NCAM1: variants seen among roughly 807,000 people sequenced by gnomAD.
NCAM1 encodes neural cell adhesion molecule 1, also known as antigen recognized by monoclonal antibody 5.1H11.
NCAM1 carries 14 observed loss-of-function variants against 109.8 expected under a neutral mutation model. The observed-to-expected ratio is 0.13, with a 90% CI of 0.08 to 0.20. The LOEUF (loss-of-function observed/expected upper bound fraction) is 0.20. Ranked by LOEUF, NCAM1 falls within the 10% of genes least tolerant of loss-of-function variation. The probability of loss-of-function intolerance (pLI) is 1.00; values close to 1 mark genes in which losing one functional copy is unlikely to be tolerated. For synonymous variants in NCAM1, 418 were observed against 442.9 expected (o/e 0.94, Z 0.70); for missense variants, 774 against 1,109.9 (o/e 0.70, Z 4.30).
rs1340128171 is a variant in NCAM1 at position 113,184,505 on chromosome 11, A to T, written c.53-17874A>T. On this transcript the variant is annotated intron_variant, in intron 1 of 19. Transcript: ENST00000316851. Reference sequence around the variant, plus strand: ...GTTTTATGATTTATAGCTAACTCAGAATTTCTAAAGACTTTTTATTTCAGA... The same window carrying T: ...GTTTTATGATTTATAGCTAACTCAGTATTTCTAAAGACTTTTTATTTCAGA... Among the ~76,000 whole-genome samples, 4 of 152,152 alleles carry T rather than the reference A, an allele frequency of 2.6e-5. No individual in the cohort carries two copies. In the East Asian group the frequency reaches 7.7e-4, roughly 29 times the overall value.
At chr11:113,016,228 C>G (rs891082361) in intron 1 of NCAM1, among the ~76,000 whole-genome samples, 1 of 152,158 alleles carries the variant, frequency 6.6e-6, no homozygotes, top group Non-Finnish European at 1.5e-5. Context: ...CTGGCCACCC[C>G]GTTTCATCCT....
rs782230481 is a variant in NCAM1, at chr11:113,214,359, G to A, written c.917-10G>A. ...TTAGATAAACTCAGAGAAATGTTTT[G>A]TCTTTTCAGCAAAACCCAAAATCAC... On this transcript the variant is annotated splice_polypyrimidine_tract_variant and intron_variant, in intron 7 of 19. Transcript: ENST00000316851. The A allele has an allele frequency of 4.3e-6, 7 of 1,613,222 alleles. No homozygotes were observed. The highest frequency in any genetic ancestry group is 2.2e-5 in the East Asian group (1 of 44,870).
chr11:113,007,144 C>T (rs943640363), intron 1 of NCAM1, among the ~76,000 whole-genome samples: 4 of 152,142 alleles, frequency 2.6e-5, no homozygotes, highest in Admixed American at 6.5e-5. Context: ...GACCTATTGT[C>T]TACTTCCACA....
intron 1 of NCAM1, among the ~76,000 whole-genome samples, chr11:113,002,689 C>A (rs1319224985): frequency 6.6e-6 from 1 of 152,060 alleles, no homozygotes; most frequent in Non-Finnish European, 1.5e-5. Flanking sequence ...GGAAGTCCAG[C>A]AATGAGAGAA....
At chr11:113,024,248 A>G (rs1162276681) in intron 1 of NCAM1, among the ~76,000 whole-genome samples, 1 of 152,196 alleles carries the variant, frequency 6.6e-6, no homozygotes, top group Non-Finnish European at 1.5e-5. Flanking sequence ...ATGTGTTCAA[A>G]GTTAGGGTAA....
At chr11:113,260,578 A>G (rs1270112068) in intron 17 of NCAM1, among the ~76,000 whole-genome samples, 4 of 152,168 alleles carry the variant, frequency 2.6e-5, no homozygotes, top group Non-Finnish European at 5.9e-5. Flanking sequence ...ACTGATGCCA[A>G]TCAGTCCATT....
chr11:113,009,312 G>GTTTTTTTGTTGTTTTTTTTTTT lies in NCAM1; in HGVS notation c.52+47655_52+47656insGTTGTTTTTTTTTTTTTTTTTT, dbSNP rs1555073910. The stretch of plus-strand genomic sequence containing the variant: ...GATTTAATTGGAAGGGTTTTTTCGG[G>GTTTTTTTGTTGTTTTTTTTTTT]TTTTTTTTTTTTTTTTTTTTTTTTT... On this transcript the variant is annotated intron_variant, in intron 1 of 19. Coordinates refer to ENST00000316851, the MANE Select transcript of NCAM1 (RefSeq NM_181351.5). Among the ~76,000 whole-genome samples, 26 of 79,682 alleles carry GTTTTTTTGTTGTTTTTTTTTTT rather than the reference G, an allele frequency of 3.3e-4. 1 individual carries two copies. The highest frequency in any genetic ancestry group is 1.6e-3 in the East Asian group (3 of 1,916). The allele number at this position is 79,682 out of a possible 152,430, so 52.3% of individuals were successfully genotyped here.
intron 1 of NCAM1, among the ~76,000 whole-genome samples, chr11:113,103,652 T>G (rs1409641561): frequency 6.6e-6 from 1 of 152,154 alleles, no homozygotes; most frequent in East Asian, 1.9e-4. Context: ...TTTAAAGATT[T>G]GGGATGAAAT....
chr11:113,036,431 C>T (rs1025368988), intron 1 of NCAM1, among the ~76,000 whole-genome samples: 17 of 152,008 alleles, frequency 1.1e-4, no homozygotes, highest in African/African-American at 4.1e-4. Context: ...TGCCTCTCCC[C>T]CATTCCATTG....
At chr11:113,252,228 A>G (rs966932189) in intron 15 of NCAM1, among the ~76,000 whole-genome samples, 15 of 152,228 alleles carry the variant, frequency 9.9e-5, no homozygotes, top group Non-Finnish European at 1.8e-4. Flanking sequence ...AGCCTCAGTA[A>G]CACAGTGAGA....
chr11:113,096,382 G>C (rs1391932957), intron 1 of NCAM1, among the ~76,000 whole-genome samples: 1 of 152,234 alleles, frequency 6.6e-6, no homozygotes, highest in African/African-American at 2.4e-5. Context: ...GAATAAAGGA[G>C]AGAGAATTGT....
chr11:113,098,013 A>G (rs1029555046), intron 1 of NCAM1, among the ~76,000 whole-genome samples: 13 of 152,218 alleles, frequency 8.5e-5, no homozygotes, highest in African/African-American at 2.7e-4. Context: ...TCTTAGGCAA[A>G]ATGTATGAGA....
At chr11:113,008,857 C>T (rs1951958480) in intron 1 of NCAM1, among the ~76,000 whole-genome samples, 2 of 152,174 alleles carry the variant, frequency 1.3e-5, no homozygotes, top group African/African-American at 4.8e-5. Context: ...TGGTGATAGA[C>T]ACAACATCAG....
At chr11:113,009,635 T>G (rs1951992734) in intron 1 of NCAM1, among the ~76,000 whole-genome samples, 1 of 152,126 alleles carries the variant, frequency 6.6e-6, no homozygotes, top group Non-Finnish European at 1.5e-5. Flanking sequence ...TGTGATTTAA[T>G]GTTGTTCCTC....
intron 1 of NCAM1, among the ~76,000 whole-genome samples, chr11:113,166,380 A>G (rs1451030313): frequency 6.6e-6 from 1 of 152,172 alleles, no homozygotes; most frequent in African/African-American, 2.4e-5. Context: ...AATGGGTGCT[A>G]CCTGTCTCCA....
intron 1 of NCAM1, among the ~76,000 whole-genome samples, chr11:112,993,254 G>A (rs1317115409): frequency 6.6e-6 from 1 of 152,086 alleles, no homozygotes; most frequent in Non-Finnish European, 1.5e-5. Flanking sequence ...TACAATCATG[G>A]CAGAAGGCAA....
chr11:113,176,492 T>C (rs1014261493), intron 1 of NCAM1, among the ~76,000 whole-genome samples: 1 of 152,188 alleles, frequency 6.6e-6, no homozygotes, highest in Non-Finnish European at 1.5e-5. Context: ...TATAAGAGAT[T>C]AGGTGAAGGT....
chr11:113,122,789 A>AAAT (rs782463170), intron 1 of NCAM1, among the ~76,000 whole-genome samples: 2 of 152,184 alleles, frequency 1.3e-5, no homozygotes, highest in Non-Finnish European at 2.9e-5. Flanking sequence ...CGTCTCAAAA[A>AAAT]AATAATAATA....
At chr11:113,058,045 G>A (rs1555082878) in intron 1 of NCAM1, among the ~76,000 whole-genome samples, 2 of 152,146 alleles carry the variant, frequency 1.3e-5, no homozygotes, top group African/African-American at 4.8e-5. Context: ...AGCACTTTGG[G>A]AGGCCGAGGT....
Sources: gnomAD v4.1 joint callset for allele counts (sites outside exome capture counted in the v4.1 genomes callset) on GRCh38, gnomAD v4.1.1 for gene constraint, MANE v1.5 for transcripts, NCBI Gene and HGNC (gene_info 2026-07-23, HGNC 2026-07-21) for gene names.